Variants in PLA2G4A observed in about 807,000 individuals in gnomAD.
The protein encoded by PLA2G4A is phospholipase A2 group IVA, also known as cytosolic phospholipase A2.
Under a neutral mutation model 81.9 loss-of-function variants are expected in PLA2G4A, and 40 were observed. That is an observed-to-expected ratio of 0.49 (90% CI 0.38 to 0.64). The LOEUF (loss-of-function observed/expected upper bound fraction) is 0.64. PLA2G4A is among the 30% of genes least tolerant of loss of function. PLA2G4A has a pLI of 0.00. For synonymous variants in PLA2G4A, 302 were observed against 296.9 expected (o/e 1.02, Z -0.18); for missense variants, 715 against 905.1 (o/e 0.79, Z 2.69).
chr1:186,935,439 G>A (rs756420061), intron 8 of PLA2G4A, among the ~76,000 whole-genome samples: 11 of 149,896 alleles, frequency 7.3e-5, no homozygotes, highest in Non-Finnish European at 1.3e-4. Flanking sequence ...TAAGAGAGTT[G>A]AGCATTTTCT....
intron 17 of PLA2G4A, among the ~76,000 whole-genome samples, chr1:186,980,503 A>G (rs139605923): frequency 1.3e-5 from 2 of 152,344 alleles, no homozygotes; most frequent in Non-Finnish European, 2.9e-5. Context: ...GATTTTGTAC[A>G]TTAGAAAAAC....
chr1:186,871,935 G>A (rs1653287367), intron 3 of PLA2G4A, among the ~76,000 whole-genome samples: 1 of 152,080 alleles, frequency 6.6e-6, no homozygotes, highest in Non-Finnish European at 1.5e-5. Context: ...AGAGGGAGGA[G>A]TTAGATACTA....
intron 8 of PLA2G4A, among the ~76,000 whole-genome samples, 175 bp from the exon 9 acceptor site, chr1:186,938,833 C>A (rs12720594): frequency 0.021 from 3,203 of 152,246 alleles, 122 homozygotes; most frequent in African/African-American, 0.074. Flanking sequence ...TCATGGTAGA[C>A]TAGCTCCTGT....
chr1:186,859,106 G>A (rs969935032), intron 2 of PLA2G4A, among the ~76,000 whole-genome samples: 9 of 152,136 alleles, frequency 5.9e-5, no homozygotes, highest in Admixed American at 5.2e-4. Context: ...GTGCCAAACA[G>A]GCTAACACAG....
chr1:186,965,468 G>C lies in PLA2G4A; in HGVS notation c.1639G>C (p.Val547Leu). 1 of 1,610,976 alleles carries C rather than the reference G, an allele frequency of 6.2e-7. No individual in the cohort carries two copies. The highest frequency in any genetic ancestry group is 8.5e-7 in the Non-Finnish European group (1 of 1,177,136). The change falls in exon 15 of 18, where the codon GTA becomes CTA. Residue 547 changes from valine to leucine, a missense_variant. Val to Leu is a conservative substitution (Grantham distance 32). Coordinates refer to ENST00000367466, the MANE Select transcript of PLA2G4A (RefSeq NM_024420.3). ...PLDVKSKKIH[V>L]VDSGLTFNLP... ...GGATGTCAAAAGTAAAAAGATTCATGTAGTGGACAGTGGGCTCACATTTAA... is the reference window on the plus strand; with the variant it reads ...GGATGTCAAAAGTAAAAAGATTCATCTAGTGGACAGTGGGCTCACATTTAA...
At chr1:186,844,836 G>T (rs1041421350) in intron 1 of PLA2G4A, among the ~76,000 whole-genome samples, 1 of 152,112 alleles carries the variant, frequency 6.6e-6, no homozygotes, top group Non-Finnish European at 1.5e-5. Flanking sequence ...TTTATAAAAG[G>T]TGCTCAATAA....
chr1:186,916,976 C>T (rs955363869), intron 7 of PLA2G4A, among the ~76,000 whole-genome samples: 1 of 152,126 alleles, frequency 6.6e-6, no homozygotes, highest in Admixed American at 6.5e-5. Flanking sequence ...TGGAGCAGGG[C>T]TTGTCGTCCT....
chr1:186,917,722 A>T (rs1239185357), intron 7 of PLA2G4A, among the ~76,000 whole-genome samples: 1 of 152,172 alleles, frequency 6.6e-6, no homozygotes, highest in East Asian at 1.9e-4. Context: ...ATAAGCCTCC[A>T]CCCACCCAGA....
intron 15 of PLA2G4A, among the ~76,000 whole-genome samples, chr1:186,975,004 C>T (rs1657481631): frequency 6.6e-6 from 1 of 152,202 alleles, no homozygotes; most frequent in Admixed American, 6.5e-5. Flanking sequence ...CATTTTACCC[C>T]AAAATCCACA....
At chr1:186,935,479 A>C (rs1655913851) in intron 8 of PLA2G4A, among the ~76,000 whole-genome samples, 1 of 151,440 alleles carries the variant, frequency 6.6e-6, no homozygotes, top group Non-Finnish European at 1.5e-5. Context: ...AATAATGTAG[A>C]GGCATAGATG....
At chr1:186,860,950 C>T (rs934915803) in intron 2 of PLA2G4A, among the ~76,000 whole-genome samples, 1 of 152,086 alleles carries the variant, frequency 6.6e-6, no homozygotes, top group Non-Finnish European at 1.5e-5. Context: ...TATAGTATAG[C>T]TGATTAATGG....
At chr1:186,919,046 C>A (rs1266508991) in intron 7 of PLA2G4A, among the ~76,000 whole-genome samples, 1 of 152,214 alleles carries the variant, frequency 6.6e-6, no homozygotes, top group Non-Finnish European at 1.5e-5. Flanking sequence ...CTCCAACTGC[C>A]ATTTTTTCTC....
intron 3 of PLA2G4A, among the ~76,000 whole-genome samples, chr1:186,886,277 T>C (rs1164448277): frequency 6.6e-6 from 1 of 152,156 alleles, no homozygotes; most frequent in Non-Finnish European, 1.5e-5. Context: ...GAAACAGACT[T>C]ACACTTTTAT....
At chr1:186,976,307 C>T (rs879645226) in intron 15 of PLA2G4A, among the ~76,000 whole-genome samples, 4 of 152,186 alleles carry the variant, frequency 2.6e-5, no homozygotes, top group African/African-American at 9.7e-5. Context: ...ATCCCCAAAA[C>T]TTCCCCTTTC....
chr1:186,914,393 C>A (rs1355980903), intron 7 of PLA2G4A, among the ~76,000 whole-genome samples: 1 of 33,362 alleles, frequency 3.0e-5, no homozygotes, highest in Non-Finnish European at 4.8e-5. Flanking sequence ...AAGCCACAGA[C>A]AAAAACCCCT....
At chr1:186,924,100 T>C (rs924066315) in intron 7 of PLA2G4A, among the ~76,000 whole-genome samples, 5 of 152,184 alleles carry the variant, frequency 3.3e-5, no homozygotes, top group Admixed American at 6.5e-5. Context: ...CCCCAATATA[T>C]CTATTATTCA....
intron 7 of PLA2G4A, among the ~76,000 whole-genome samples, chr1:186,927,121 C>T (rs1655576360): frequency 6.6e-6 from 1 of 152,152 alleles, no homozygotes; most frequent in African/African-American, 2.4e-5. Flanking sequence ...CCAATTTGGG[C>T]ATTCTCAGGC....
chr1:186,859,861 T>C (rs1373007213), intron 2 of PLA2G4A, among the ~76,000 whole-genome samples: 2 of 152,002 alleles, frequency 1.3e-5, no homozygotes, highest in Non-Finnish European at 2.9e-5. Flanking sequence ...ACCTGCTGTG[T>C]CTGCTTCACA....
intron 8 of PLA2G4A, among the ~76,000 whole-genome samples, chr1:186,937,274 AG>A: frequency 6.6e-6 from 1 of 151,732 alleles, no homozygotes; most frequent in Non-Finnish European, 1.5e-5. Context: ...AGAGAGAGAG[AG>A]AGAACACCAG....
Sources: gnomAD v4.1 joint callset for allele counts (sites outside exome capture counted in the v4.1 genomes callset) on GRCh38, gnomAD v4.1.1 for gene constraint, MANE v1.5 for transcripts, NCBI Gene and HGNC (gene_info 2026-07-23, HGNC 2026-07-21) for gene names.